The following CCSER1 variants were observed in gnomAD, a reference collection of about 807,000 sequenced individuals.
CCSER1 encodes serine-rich coiled-coil domain-containing protein 1.
A neutral mutation model predicts 82.0 loss-of-function variants in CCSER1; 41 were observed. That is an observed-to-expected ratio of 0.50 (90% CI 0.39 to 0.65). CCSER1 has a LOEUF of 0.65. Among genes scored for constraint, CCSER1 ranks in the 30% least tolerant of loss-of-function variants. The probability of loss-of-function intolerance (pLI) is 0.00; values close to 1 mark genes in which losing one functional copy is unlikely to be tolerated. For missense variants in CCSER1, 1,119 were observed against 1,064.2 expected (o/e 1.05, Z -0.72); for synonymous variants, 414 against 383.9 (o/e 1.08, Z -0.92).
Position 91,602,383 on chromosome 4 carries a change from A to C in CCSER1, c.*3326A>C, listed in dbSNP as rs1764846664. ...CCCTCTCCAGAAAAAAGTTTTTAAA[A>C]ATTATTATGATATATTTAAGATTCA... is the stretch of plus-strand genomic sequence containing the variant. On this transcript the variant is annotated 3_prime_UTR_variant, in exon 11 of 11. Coordinates refer to ENST00000509176, the MANE Select transcript of CCSER1 (RefSeq NM_001145065.2). Among the ~76,000 whole-genome samples, 1 of 151,972 alleles carries C rather than the reference A, an allele frequency of 6.6e-6. No individual in the cohort carries two copies. The highest frequency in any genetic ancestry group is 2.4e-5 in the African/African-American group (1 of 41,428).
intron 10 of CCSER1, among the ~76,000 whole-genome samples, chr4:91,471,167 T>C (rs1020117240): frequency 6.6e-6 from 1 of 152,152 alleles, no homozygotes; most frequent in Non-Finnish European, 1.5e-5. Context: ...ATGCATCTAA[T>C]TGGGCCAAAA....
chr4:91,543,813 C>T (rs551452880), intron 10 of CCSER1, among the ~76,000 whole-genome samples: 13 of 152,144 alleles, frequency 8.5e-5, no homozygotes, highest in South Asian at 4.2e-4. Context: ...ATCTTTGTGG[C>T]GTTCTCTGTA....
At chr4:90,330,361 C>A (rs1288389961) in intron 3 of CCSER1, among the ~76,000 whole-genome samples, 1 of 152,042 alleles carries the variant, frequency 6.6e-6, no homozygotes, top group Non-Finnish European at 1.5e-5. Context: ...GATTTATGTT[C>A]CAAAGTGTGG....
intron 7 of CCSER1, among the ~76,000 whole-genome samples, chr4:90,808,329 A>T (rs1390136960): frequency 6.6e-5 from 10 of 152,130 alleles, no homozygotes; most frequent in Admixed American, 2.6e-4. Flanking sequence ...ACATTGGCTT[A>T]GGCAAAGAAT....
intron 10 of CCSER1, among the ~76,000 whole-genome samples, chr4:91,471,205 A>T (rs986692521): frequency 6.6e-6 from 1 of 152,202 alleles, no homozygotes; most frequent in Non-Finnish European, 1.5e-5. Flanking sequence ...GAATGTTAAG[A>T]TGTAATGCAT....
chr4:90,935,839 A>G (rs1357719899), intron 9 of CCSER1, among the ~76,000 whole-genome samples: 2 of 152,044 alleles, frequency 1.3e-5, no homozygotes, highest in Non-Finnish European at 2.9e-5. Flanking sequence ...GAAAAACACA[A>G]TGTACTATGT....
At chr4:90,740,145 T>C (rs1746305900) in intron 7 of CCSER1, among the ~76,000 whole-genome samples, 1 of 152,176 alleles carries the variant, frequency 6.6e-6, no homozygotes, top group African/African-American at 2.4e-5. Flanking sequence ...CTTCAAAGAA[T>C]TATGTTTTTT....
chr4:90,458,336 G>T (rs1312681104), intron 4 of CCSER1, among the ~76,000 whole-genome samples: 1 of 151,822 alleles, frequency 6.6e-6, no homozygotes. Context: ...GCCATCTTTA[G>T]AAAATAGAGT....
chr4:90,189,530 A>T (rs541938074), intron 1 of CCSER1, among the ~76,000 whole-genome samples: 95 of 151,964 alleles, frequency 6.3e-4, no homozygotes, highest in Non-Finnish European at 9.7e-4. Context: ...GTGTGTATGT[A>T]TGTATATATA....
At chr4:90,998,998 T>C (rs960369173) in intron 9 of CCSER1, among the ~76,000 whole-genome samples, 2 of 152,186 alleles carry the variant, frequency 1.3e-5, no homozygotes, top group Admixed American at 6.5e-5. Flanking sequence ...TAGTTTTATG[T>C]TCCTGTATTA....
intron 3 of CCSER1, among the ~76,000 whole-genome samples, chr4:90,367,588 G>T (rs769856949): frequency 2.6e-5 from 4 of 151,692 alleles, no homozygotes; most frequent in Non-Finnish European, 4.4e-5. Flanking sequence ...AAAGACAAAA[G>T]AATATATGCA....
At chr4:90,145,735 T>C (rs527465778) in intron 1 of CCSER1, among the ~76,000 whole-genome samples, 1 of 152,274 alleles carries the variant, frequency 6.6e-6, no homozygotes, top group South Asian at 2.1e-4. Context: ...TACTTTTTCT[T>C]TTATCATGTC....
rs1238220257 is a variant in CCSER1 at position 91,601,713 on chromosome 4, TTTTC to T, written c.*2661_*2664del. The stretch of plus-strand genomic sequence containing the variant: ...TTCTGATGGAAGCAGTGGTCTTTTC[TTTTC>T]TTTCCTCTTTCTTTTGTGCATGTGT... On this transcript the variant is annotated 3_prime_UTR_variant, in exon 11 of 11. Transcript: ENST00000509176. The T allele has an allele frequency of 3.3e-5, 5 of 152,084 alleles. No homozygotes were observed. 9.4% of individuals were successfully genotyped at this position (152,084 alleles called of 1,614,324 possible). A position where few individuals can be genotyped will look rare whatever the true frequency, so the allele number is the denominator to read the frequency against.
intron 9 of CCSER1, among the ~76,000 whole-genome samples, chr4:91,033,238 G>T (rs942588144): frequency 6.6e-6 from 1 of 152,182 alleles, no homozygotes; most frequent in African/African-American, 2.4e-5. Context: ...AGTTGGGGCA[G>T]CTGGAAGCCA....
intron 9 of CCSER1, among the ~76,000 whole-genome samples, chr4:90,977,378 A>G (rs1321117786): frequency 5.3e-5 from 8 of 151,536 alleles, no homozygotes; most frequent in Non-Finnish European, 1.0e-4. Flanking sequence ...ATACATACGT[A>G]TATATATATG....
chr4:90,585,566 G>A (rs539571786), intron 5 of CCSER1, among the ~76,000 whole-genome samples: 1 of 152,194 alleles, frequency 6.6e-6, no homozygotes, highest in South Asian at 2.1e-4. Context: ...TATATGAAGA[G>A]TTACCTTTAC....
intron 5 of CCSER1, among the ~76,000 whole-genome samples, chr4:90,562,600 C>G (rs1778906939): frequency 6.6e-6 from 1 of 151,994 alleles, no homozygotes; most frequent in African/African-American, 2.4e-5. Flanking sequence ...TGCAGTGGGG[C>G]AGTCTCAGCT....
intron 6 of CCSER1, among the ~76,000 whole-genome samples, chr4:90,659,708 C>G (rs1374230187): frequency 6.6e-6 from 1 of 151,976 alleles, no homozygotes; most frequent in Non-Finnish European, 1.5e-5. Context: ...CATTATCACT[C>G]TATATAGCAT....
Position 91,445,621 on chromosome 4 carries a change from C to T in CCSER1, c.2218-152951C>T, listed in dbSNP as rs573444602. ...TTTCTCACCCCCACCATTTCTTTCA[C>T]TTTACATCCAATCTATTTGTTTTTA... is the stretch of plus-strand genomic sequence containing the variant. On this transcript the variant is annotated intron_variant, in intron 10 of 10. Coordinates refer to ENST00000509176, the MANE Select transcript of CCSER1 (RefSeq NM_001145065.2). Among the ~76,000 whole-genome samples, 26 of 152,246 alleles carry T rather than the reference C, an allele frequency of 1.7e-4. No individual in the cohort carries two copies. The South Asian group carries it at 5.4e-3, about 32-fold the overall frequency.
Sources: gnomAD v4.1 joint callset for allele counts (sites outside exome capture counted in the v4.1 genomes callset) on GRCh38, gnomAD v4.1.1 for gene constraint, MANE v1.5 for transcripts, NCBI Gene and HGNC (gene_info 2026-07-23, HGNC 2026-07-21) for gene names.